The following PCDHGA7 variants were observed in gnomAD, a reference collection of about 807,000 sequenced individuals.
The protein encoded by PCDHGA7 is protocadherin gamma subfamily A, 7.
In PCDHGA7, 44 loss-of-function variants were observed where a neutral mutation model predicts 58.3. That is an observed-to-expected ratio of 0.75 (90% CI 0.59 to 0.97). PCDHGA7 has a LOEUF of 0.97. Among genes scored for constraint, PCDHGA7 ranks in the 50% least tolerant of loss-of-function variants. PCDHGA7 has a pLI of 0.00. For synonymous variants in PCDHGA7, 516 were observed against 504.2 expected (o/e 1.02, Z -0.31); for missense variants, 1,266 against 1,188.7 (o/e 1.06, Z -0.96).
Position 141,432,326 on chromosome 5 carries a change from G to C in PCDHGA7, c.2424+47003G>C. The C allele has an allele frequency of 1.2e-6, 2 of 1,614,228 alleles. No individual in the cohort carries two copies. The highest frequency in any genetic ancestry group is 2.2e-5 in the East Asian group (1 of 44,890). On this transcript the variant is annotated intron_variant, in intron 1 of 3. Transcript: ENST00000518325. This position sits in a 1 kb window ranked among gnomAD's most constrained non-coding sequence, Gnocchi z 6.0. ...GTATGCGCTGAGCTCCTTCGACTAC[G>C]AGCAGTTCCGAGACTTGCAAGTGAA...
At chr5:141,422,891 A>G in intron 1 of PCDHGA7, 3 of 1,614,192 alleles carry the variant, frequency 1.9e-6, no homozygotes, top group Non-Finnish European at 2.5e-6. Context: ...TTCGTGCTGG[A>G]CCAGAACGAC....
chr5:141,395,413 GT>G, intron 1 of PCDHGA7: 2 of 791,446 alleles, frequency 2.5e-6, no homozygotes, highest in Non-Finnish European at 3.8e-6. Context: ...ATAGGTTATT[GT>G]TTCATTTGCT....
At chr5:141,388,940 C>A (rs762814414) in intron 1 of PCDHGA7, 1 of 1,613,966 alleles carries the variant, frequency 6.2e-7, no homozygotes, top group South Asian at 1.1e-5. Context: ...CTCTACCCAA[C>A]CTAATTATGG....
chr5:141,491,390 T>G lies in PCDHGA7; in HGVS notation c.2425-3417T>G. 1 of 1,614,130 alleles carries G rather than the reference T, an allele frequency of 6.2e-7. No individual in the cohort carries two copies. Among genetic ancestry groups the G allele is most frequent in the Admixed American group, 1.7e-5 (1 of 60,028 alleles). ...TTCACCTTTCTGTCAGCGAAGTGCC[T>G]TCAGGGAAACGCAGACGGGGACGGG... On this transcript the variant is annotated intron_variant, in intron 1 of 3. Transcript: ENST00000518325. The surrounding 1 kb of genome is among the most constrained non-coding windows in gnomAD (Gnocchi z 6.9).
At chr5:141,480,298 C>T (rs1238380283) in intron 1 of PCDHGA7, among the ~76,000 whole-genome samples, 1 of 132,676 alleles carries the variant, frequency 7.5e-6, no homozygotes, top group Non-Finnish European at 1.6e-5. Flanking sequence ...ACCTGTGGTA[C>T]CAGCTACTTG....
chr5:141,432,873 T>A lies in PCDHGA7; in HGVS notation c.2424+47550T>A, dbSNP rs753576338. ...GTGGCCGCGGTCTCCTGCGTCTTCCTGGCCTTCGTCATCTTGCTGCTGGCG... is the reference window on the plus strand; with the variant it reads ...GTGGCCGCGGTCTCCTGCGTCTTCCAGGCCTTCGTCATCTTGCTGCTGGCG... On this transcript the variant is annotated intron_variant, in intron 1 of 3. Transcript: ENST00000518325. This position sits in a 1 kb window ranked among gnomAD's most constrained non-coding sequence, Gnocchi z 6.0. 1.4e-5 allele frequency: 22 copies of A among 1,614,204 alleles called. No individual in the cohort carries two copies. The highest frequency in any genetic ancestry group is 3.3e-4 in the Middle Eastern group (2 of 6,062).
chr5:141,491,119 G>A lies in PCDHGA7; in HGVS notation c.2425-3688G>A. 6.2e-7 allele frequency: 1 copy of A among 1,614,216 alleles called. No individual in the cohort carries two copies. The highest frequency in any genetic ancestry group is 1.1e-5 in the South Asian group (1 of 91,086). ...GTTCCTCGTGTCTACACACACTGGT[G>A]AGGTGCGCACAGCCCGGGCCTTACT... On this transcript the variant is annotated intron_variant, in intron 1 of 3. Transcript: ENST00000518325. The surrounding 1 kb of genome is among the most constrained non-coding windows in gnomAD (Gnocchi z 6.9).
chr5:141,449,588 C>CAAA (rs768743917), intron 1 of PCDHGA7, among the ~76,000 whole-genome samples: 1 of 57,476 alleles, frequency 1.7e-5, no homozygotes, highest in East Asian at 5.2e-4. Context: ...GACTCTGTCT[C>CAAA]AAAAAAAAAA....
intron 1 of PCDHGA7, chr5:141,419,023 A>C: frequency 6.2e-7 from 1 of 1,613,958 alleles, no homozygotes; most frequent in East Asian, 2.2e-5. Context: ...GCTTAAGTAG[A>C]GGTGTTCCAT....
intron 1 of PCDHGA7, chr5:141,419,836 G>A (rs756561978): frequency 1.9e-6 from 3 of 1,613,958 alleles, no homozygotes. Context: ...CCACTGCCAC[G>A]CTGCACCTGG....
In PCDHGA7 at chr5:141,476,789, T is replaced by A. The variant is rs762462741; in HGVS notation, c.2425-18018T>A. On this transcript the variant is annotated intron_variant, in intron 1 of 3. Coordinates refer to ENST00000518325, the MANE Select transcript of PCDHGA7 (RefSeq NM_018920.4). The surrounding 1 kb of genome is among the most constrained non-coding windows in gnomAD (Gnocchi z 7.6). ...GTTGGACGGAGGGACCCCAGCTCTCTCCGCCAGCCTGCCTATTCACATCAA... is the reference window on the plus strand; with the variant it reads ...GTTGGACGGAGGGACCCCAGCTCTCACCGCCAGCCTGCCTATTCACATCAA... 1.3e-5 allele frequency: 21 copies of A among 1,613,374 alleles called. No individual in the cohort carries two copies. Among genetic ancestry groups the A allele is most frequent in the Non-Finnish European group, 1.7e-5 (20 of 1,180,016 alleles).
intron 1 of PCDHGA7, chr5:141,414,260 A>G: frequency 6.2e-7 from 1 of 1,613,444 alleles, no homozygotes; most frequent in Non-Finnish European, 8.5e-7. Context: ...CCAGTGACTG[A>G]AGATTCACCT....
intron 1 of PCDHGA7, 100 bp from the exon 2 acceptor site, chr5:141,494,707 G>A: frequency 2.5e-6 from 4 of 1,599,238 alleles, no homozygotes; most frequent in Non-Finnish European, 3.4e-6. Context: ...TCTTCTCTGT[G>A]CCCACTCCCC....
At chr5:141,389,439 G>C (rs201120335) in intron 1 of PCDHGA7, 1 of 1,610,580 alleles carries the variant, frequency 6.2e-7, no homozygotes, top group Non-Finnish European at 8.5e-7. Flanking sequence ...GCGCGCCTTC[G>C]ACCACGAGCA....
intron 1 of PCDHGA7, among the ~76,000 whole-genome samples, chr5:141,472,192 C>A (rs2099274015): frequency 1.3e-5 from 2 of 152,134 alleles, no homozygotes; most frequent in South Asian, 2.1e-4. Context: ...GAATTTGAAT[C>A]TTTTTGACAC....
intron 1 of PCDHGA7, chr5:141,393,452 GGCCTCGGATGGCGGCAAGCC>G: frequency 6.2e-7 from 1 of 1,614,030 alleles, no homozygotes; most frequent in Admixed American, 1.7e-5. Context: ...TGGTCCTCAC[GGCCTCGGATGGCGGCAAGCC>G]GCCTCGCTCT....
At chr5:141,469,610 AAAAT>A (rs1360697662) in intron 1 of PCDHGA7, among the ~76,000 whole-genome samples, 1 of 152,194 alleles carries the variant, frequency 6.6e-6, no homozygotes, top group Non-Finnish European at 1.5e-5. Context: ...TAAGTAAAAT[AAAAT>A]AAATGTTTGT....
intron 1 of PCDHGA7, chr5:141,398,136 C>G: frequency 6.4e-7 from 1 of 1,556,004 alleles, no homozygotes; most frequent in Non-Finnish European, 8.6e-7. Flanking sequence ...GGATGGGGAG[C>G]GGCGCCGGGG....
In PCDHGA7 at chr5:141,461,259, T is replaced by C. The variant is rs114101293; in HGVS notation, c.2425-33548T>C. Among the ~76,000 whole-genome samples the C allele has an allele frequency of 4.2e-3, 640 of 152,290 alleles. 5 individuals are homozygous for C. The highest frequency in any genetic ancestry group is 0.015 in the African/African-American group (623 of 41,554). On this transcript the variant is annotated intron_variant, in intron 1 of 3. Coordinates refer to ENST00000518325, the MANE Select transcript of PCDHGA7 (RefSeq NM_018920.4). ...TACTAATTTATATTCCCAGCAGCAA[T>C]GTGTAAGTGTTCTCTTTTCCCCACA...
Sources: allele counts gnomAD v4.1 joint callset (sites outside exome capture counted in the v4.1 genomes callset), GRCh38; gene constraint gnomAD v4.1.1; non-coding constraint Gnocchi (gnomAD v3.1); transcripts MANE v1.5; gene names NCBI Gene and HGNC (gene_info 2026-07-23, HGNC 2026-07-21).